The following BCAR3 variants were observed in gnomAD, a reference collection of about 807,000 sequenced individuals.
BCAR3 encodes the protein breast cancer anti-estrogen resistance protein 3.
In BCAR3, 37 loss-of-function variants were observed where a neutral mutation model predicts 80.1. That is an observed-to-expected ratio of 0.46 (90% CI 0.36 to 0.61). The LOEUF (loss-of-function observed/expected upper bound fraction) is 0.61, where lower values mean the gene tolerates loss of function less well. Ranked by LOEUF, BCAR3 falls within the 20% of genes least tolerant of loss-of-function variation. The pLI, the probability that BCAR3 is intolerant of heterozygous loss-of-function variation, is 0.00. For synonymous variants in BCAR3, 389 were observed against 418.9 expected (o/e 0.93, Z 0.87); for missense variants, 978 against 1,068.2 (o/e 0.92, Z 1.18).
chr1:93,653,404 A>G (rs1647212327), intron 2 of BCAR3, among the ~76,000 whole-genome samples: 3 of 152,236 alleles, frequency 2.0e-5, no homozygotes, highest in Non-Finnish European at 4.4e-5. Flanking sequence ...TGCACTTGGC[A>G]TGGTGTCTGT....
At chr1:93,766,067 C>T (rs1027923777) in intron 2 of BCAR3, among the ~76,000 whole-genome samples, 9 of 152,212 alleles carry the variant, frequency 5.9e-5, no homozygotes, top group East Asian at 1.9e-4. Context: ...ACTTTGTACC[C>T]TTTGACCATC....
intron 4 of BCAR3, 129 bp from the exon 5 acceptor site, chr1:93,589,548 T>A: frequency 1.2e-6 from 1 of 814,278 alleles, no homozygotes; most frequent in Middle Eastern, 2.4e-4. Context: ...GTCAGCTCTT[T>A]AGTTTTTCAA....
intron 7 of BCAR3, 99 bp downstream of exon 7, chr1:93,582,202 C>A: frequency 6.9e-7 from 1 of 1,443,454 alleles, no homozygotes; most frequent in South Asian, 1.4e-5. Context: ...CAGATGGATC[C>A]CCTCCTTCCA....
At chr1:93,643,545 CAAAAAA>C (rs547667389) in intron 2 of BCAR3, among the ~76,000 whole-genome samples, 12 of 22,276 alleles carry the variant, frequency 5.4e-4, no homozygotes, top group Non-Finnish European at 6.8e-4. Flanking sequence ...GACTCTTTCT[CAAAAAA>C]AAAAAAAAAA....
intron 2 of BCAR3, among the ~76,000 whole-genome samples, chr1:93,833,860 T>C (rs1047163785): frequency 1.3e-5 from 2 of 152,170 alleles, no homozygotes; most frequent in Non-Finnish European, 2.9e-5. Flanking sequence ...CTTATGAAGA[T>C]GACAGGATTA....
intron 2 of BCAR3, among the ~76,000 whole-genome samples, chr1:93,723,045 A>G (rs1650461220): frequency 6.6e-6 from 1 of 152,174 alleles, no homozygotes. Flanking sequence ...CAAGACCTCA[A>G]AATGCCTGGA....
intron 2 of BCAR3, among the ~76,000 whole-genome samples, chr1:93,762,545 C>G (rs1370138890): frequency 6.6e-6 from 1 of 152,184 alleles, no homozygotes; most frequent in Non-Finnish European, 1.5e-5. Context: ...AGACCCAGAG[C>G]CAGGCAAAGG....
chr1:93,782,095 G>A (rs991055294), intron 2 of BCAR3, among the ~76,000 whole-genome samples: 6 of 152,218 alleles, frequency 3.9e-5, no homozygotes, highest in African/African-American at 1.2e-4. Flanking sequence ...TCAGGATGTG[G>A]ACAGAACCGG....
chr1:93,762,290 A>G (rs1378573102), intron 2 of BCAR3, among the ~76,000 whole-genome samples: 1 of 143,864 alleles, frequency 7.0e-6, no homozygotes, highest in African/African-American at 2.8e-5. Context: ...GAAAGCCTCC[A>G]TGCACATCAA....
chr1:93,644,608 C>A (rs867551283), intron 2 of BCAR3, among the ~76,000 whole-genome samples: 1 of 152,206 alleles, frequency 6.6e-6, no homozygotes. Context: ...TCACAGGCCA[C>A]GGTCACTCAT....
chr1:93,847,161 C>T (rs1655245911), upstream of BCAR3: 1 of 211,816 alleles, frequency 4.7e-6, no homozygotes, highest in Non-Finnish European at 9.8e-6. Context: ...AACGGTGCAA[C>T]GGCTGGCCTG....
chr1:93,841,651 C>A (rs2100850540), intron 2 of BCAR3, among the ~76,000 whole-genome samples: 1 of 152,360 alleles, frequency 6.6e-6, no homozygotes, highest in South Asian at 2.1e-4. Context: ...TCTCTGAATA[C>A]CACTCTACCA....
intron 3 of BCAR3, among the ~76,000 whole-genome samples, chr1:93,602,695 T>C (rs560494938): frequency 3.5e-4 from 53 of 152,306 alleles, no homozygotes; most frequent in African/African-American, 1.3e-3. Context: ...AAAGACCCAA[T>C]TGGTATTTTT....
intron 2 of BCAR3, among the ~76,000 whole-genome samples, chr1:93,642,696 T>G (rs1298242139): frequency 6.6e-6 from 1 of 152,210 alleles, no homozygotes. Context: ...TGTGGCACTT[T>G]CGGTCACTGG....
intron 2 of BCAR3, among the ~76,000 whole-genome samples, chr1:93,758,541 G>A (rs1043573815): frequency 1.3e-5 from 2 of 152,202 alleles, no homozygotes; most frequent in Non-Finnish European, 2.9e-5. Flanking sequence ...CTAAATCTAT[G>A]ACACTTTCAC....
chr1:93,846,834 C>T, intron 1 of BCAR3: 1 of 473,372 alleles, frequency 2.1e-6, no homozygotes, highest in Non-Finnish European at 4.3e-6. Flanking sequence ...CGGCGCGGGG[C>T]GCGTCGCCCC....
At chr1:93,838,229 C>T (rs144182073) in intron 2 of BCAR3, among the ~76,000 whole-genome samples, 1 of 152,264 alleles carries the variant, frequency 6.6e-6, no homozygotes, top group African/African-American at 2.4e-5. Context: ...AGGGCATGGC[C>T]CTGCTTCCCG....
intron 2 of BCAR3, among the ~76,000 whole-genome samples, chr1:93,837,837 G>C (rs1654822124): frequency 6.6e-6 from 1 of 152,220 alleles, no homozygotes; most frequent in Non-Finnish European, 1.5e-5. Context: ...TGCTCAATGA[G>C]AATGGGCTCT....
chr1:93,614,870 A>G (rs946557123), intron 3 of BCAR3, among the ~76,000 whole-genome samples: 1 of 152,132 alleles, frequency 6.6e-6, no homozygotes, highest in African/African-American at 2.4e-5. Flanking sequence ...CCTCGCATCC[A>G]ACGCAGCCAA....
Sources: allele counts gnomAD v4.1 joint callset (sites outside exome capture counted in the v4.1 genomes callset), GRCh38; gene constraint gnomAD v4.1.1; transcripts MANE v1.5; gene names NCBI Gene and HGNC (gene_info 2026-07-23, HGNC 2026-07-21).